PASK: variants seen among roughly 807,000 people sequenced by gnomAD.
PASK encodes PAS domain containing serine/threonine kinase, also known as PAS domain-containing serine/threonine-protein kinase.
A neutral mutation model predicts 121.0 loss-of-function variants in PASK; 110 were observed. That is an observed-to-expected ratio of 0.91 (90% CI 0.78 to 1.06). The LOEUF is 1.06. Among genes scored for constraint, PASK ranks in the 50% least tolerant of loss-of-function variants. PASK has a pLI of 0.00. For missense variants in PASK, 1,643 were observed against 1,702.3 expected (o/e 0.97, Z 0.61); for synonymous variants, 686 against 717.8 (o/e 0.96, Z 0.71).
rs146088324 is a variant in PASK at position 241,132,910 on chromosome 2, T to C, written c.1427A>G (p.Gln476Arg). Residue 476 changes from glutamine to arginine, a missense_variant, in exon 9 of 18, where the codon CAG becomes CGG. Transcript: ENST00000234040. ...GTQTELIAGGQLLSCLSPQPA... is the reference protein window; with the variant it reads ...GTQTELIAGGRLLSCLSPQPA... ...CTGAGGTGAGAGGCAGGAAAGGAGC[T>C]GGCCTCCAGCAATCAGCTCAGTCTG... 3.3e-5 allele frequency: 54 copies of C among 1,614,162 alleles called. No homozygotes were observed. In the African/African-American group the frequency reaches 6.0e-4, roughly 18 times the overall value.
At chr2:241,122,930 C>T in intron 11 of PASK, 31 bp from the exon 12 acceptor site, 1 of 1,609,570 alleles carries the variant, frequency 6.2e-7, no homozygotes, top group Non-Finnish European at 8.5e-7. Flanking sequence ...TGTGGGGTCA[C>T]ATGCAACTGC....
rs746664049 is a variant in PASK, at chr2:241,126,411, T to C, written c.2504A>G (p.His835Arg). Residue 835 changes from histidine (H) to arginine (R), a missense_variant, in exon 10 of 18, where the codon CAT (histidine) becomes CGT (arginine). This residue lies in a region of PASK where 1,176 missense variants were observed against 1,162.2 expected (regional missense o/e 1.01). Transcript: ENST00000234040. ...GCTTTCTCTGTCGCTTGCTGCATAA[T>C]GCTCAGAGGACACCAAACAAACCTC... is the stretch of plus-strand genomic sequence containing the variant. ...PLEVCLVSSE[H>R]YAASDRESPG... 7 of 1,614,238 alleles carry C rather than the reference T, an allele frequency of 4.3e-6. No homozygotes were observed. The highest frequency in any genetic ancestry group is 5.9e-6 in the Non-Finnish European group (7 of 1,180,032).
intron 15 of PASK, among the ~76,000 whole-genome samples, chr2:241,111,591 C>T (rs543752056): frequency 6.6e-6 from 1 of 152,290 alleles, no homozygotes; most frequent in African/African-American, 2.4e-5. Context: ...TCTTCCTTTC[C>T]GTTTTGCTTT....
rs1406620442 is a variant in PASK, at chr2:241,138,143, TTAAC to T, written c.742-60_742-57del. 4 of 1,590,500 alleles carry T rather than the reference TTAAC, an allele frequency of 2.5e-6. No individual in the cohort carries two copies. The East Asian group carries it at 9.0e-5, about 36-fold the overall frequency. ...AGCTTCTTGTGCTCCAGCTGTAAAT[TTAAC>T]TAAGCTTCAATATGTTCAAGCCAAA... On this transcript the variant is annotated intron_variant, in intron 5 of 17. Transcript: ENST00000234040.
At chr2:241,142,704 C>T (rs1486555460) in intron 2 of PASK, 133 bp downstream of exon 2, 3 of 734,870 alleles carry the variant, frequency 4.1e-6, no homozygotes, top group Admixed American at 2.0e-5. Context: ...GAGCCGAGCA[C>T]TTAAACCACG....
In PASK at chr2:241,108,585, G is replaced by A. The variant is rs116533081; in HGVS notation, c.3534-285C>T. ...ACCACAAGACGTGTCTACCAGAGGG[G>A]GGAGCGGGGGGAGGGCTTCCTGGAG... On this transcript the variant is annotated intron_variant, in intron 15 of 17. Coordinates refer to ENST00000234040, the MANE Select transcript of PASK (RefSeq NM_015148.4). The surrounding 1 kb of genome is among the most constrained non-coding windows in gnomAD (Gnocchi z 5.2). The A allele has an allele frequency of 2.4e-3, 1,172 of 488,334 alleles. 1 individual carries two copies. The highest frequency in any genetic ancestry group is 3.8e-3 in the Non-Finnish European group (1,003 of 265,402). The allele number at this position is 488,334 out of a possible 1,614,324, so 30.3% of individuals were successfully genotyped here. A position where few individuals can be genotyped will look rare whatever the true frequency, so the allele number is the denominator to read the frequency against.
intron 12 of PASK, among the ~76,000 whole-genome samples, chr2:241,117,213 T>C (rs890861850): frequency 1.3e-5 from 2 of 152,052 alleles, no homozygotes; most frequent in Non-Finnish European, 2.9e-5. Flanking sequence ...GCAACTTGGG[T>C]GCCAGCCTGT....
At chr2:241,107,216 T>C (rs1045988432) in intron 17 of PASK, 137 bp downstream of exon 17, 9 of 821,254 alleles carry the variant, frequency 1.1e-5, no homozygotes, top group East Asian at 7.3e-5. Context: ...AGGTCAGCTA[T>C]AGGCCCTGAC....
intron 9 of PASK, among the ~76,000 whole-genome samples, chr2:241,131,262 C>T (rs2125437249): frequency 6.6e-6 from 1 of 152,060 alleles, no homozygotes; most frequent in Admixed American, 6.5e-5. Context: ...CATTCTCCTG[C>T]CTCAGCCTCC....
At chr2:241,119,468 C>CTTTTTTT (rs36113805) in intron 12 of PASK, among the ~76,000 whole-genome samples, 1 of 134,256 alleles carries the variant, frequency 7.4e-6, no homozygotes, top group African/African-American at 2.9e-5. Flanking sequence ...CAAGATGCTT[C>CTTTTTTT]TTTTTTTTTT....
At position 241,108,359 on chromosome 2, in the gene PASK, GCCCATGGGAAGCA is replaced by G; in HGVS notation, c.3534-72_3534-60del. On this transcript the variant is annotated intron_variant, in intron 15 of 17. Coordinates refer to ENST00000234040, the MANE Select transcript of PASK (RefSeq NM_015148.4). This position sits in a 1 kb window ranked among gnomAD's most constrained non-coding sequence, Gnocchi z 5.2. ...CACTCAGCGCAGGCTTGCCAAGCCC[GCCCATGGGAAGCA>G]CCATGGCCCTTCCCGACCAGCACAC... 1 of 1,586,448 alleles carries G rather than the reference GCCCATGGGAAGCA, an allele frequency of 6.3e-7. No homozygotes were observed.
chr2:241,127,323 C>G lies in PASK; in HGVS notation c.1592G>C (p.Gly531Ala). The stretch of plus-strand genomic sequence containing the variant: ...ATCCACTGGTTCAGACCTGCTTTCT[C>G]CCAGAAGATCCTGTCCGGGGCTCTC... ...AIESPGQDLL[G>A]ESRSEPVDVK... Residue 531 changes from glycine to alanine, a missense_variant, in exon 10 of 18, where the codon GGA (glycine) becomes GCA (alanine). Physicochemically the swap from Gly to Ala is moderately conservative, Grantham distance 60. Around this residue, in one of 3 missense-constraint regions of PASK, gnomAD observed 1,176 missense variants for 1,162.2 expected, o/e 1.01. Transcript: ENST00000234040. 6.2e-7 allele frequency: 1 copy of G among 1,614,232 alleles called. No individual in the cohort carries two copies. Among genetic ancestry groups the G allele is most frequent in the South Asian group, 1.1e-5 (1 of 91,090 alleles).
intron 12 of PASK, chr2:241,118,833 C>A (rs1192729231): frequency 2.9e-6 from 2 of 683,392 alleles, no homozygotes; most frequent in Non-Finnish European, 1.9e-6. Flanking sequence ...GTGTGGTGTA[C>A]ACACCCCGCA....
At chr2:241,114,664 T>G in intron 14 of PASK, 1 of 1,173,300 alleles carries the variant, frequency 8.5e-7, no homozygotes, top group Non-Finnish European at 1.1e-6. Context: ...CACCATTTAG[T>G]GGGCACTTAC....
intron 10 of PASK, among the ~76,000 whole-genome samples, chr2:241,125,783 G>A (rs1482756145): frequency 1.3e-5 from 2 of 152,114 alleles, no homozygotes; most frequent in African/African-American, 4.8e-5. Context: ...ATCTCACCAC[G>A]CTCACATCCC....
intron 15 of PASK, among the ~76,000 whole-genome samples, chr2:241,111,333 A>G (rs2310875): frequency 0.23 from 34,202 of 151,934 alleles, 5,847 homozygotes; most frequent in African/African-American, 0.47. Context: ...GCACTGCAGC[A>G]GAGGGCCAGG....
intron 4 of PASK, among the ~76,000 whole-genome samples, chr2:241,139,019 A>C (rs768351669): frequency 6.6e-6 from 1 of 152,252 alleles, no homozygotes; most frequent in Non-Finnish European, 1.5e-5. Context: ...TTTCATTCTC[A>C]GTTCATGGTA....
chr2:241,128,821 C>T (rs769989231), intron 9 of PASK, among the ~76,000 whole-genome samples: 6 of 151,682 alleles, frequency 4.0e-5, no homozygotes, highest in Non-Finnish European at 7.4e-5. Context: ...GCTGTGATCG[C>T]ACCACTGCAC....
chr2:241,147,721 GA>G (rs1481541034), intron 1 of PASK, among the ~76,000 whole-genome samples: 12 of 151,922 alleles, frequency 7.9e-5, no homozygotes, highest in South Asian at 2.1e-4. Flanking sequence ...TGGAAAGGGG[GA>G]AAAAAAGCAA....
Sources: gnomAD v4.1 joint callset for allele counts (sites outside exome capture counted in the v4.1 genomes callset) on GRCh38, gnomAD v4.1.1 for gene constraint, gnomAD v4.1.1 regional missense constraint, Gnocchi (gnomAD v3.1) non-coding constraint, MANE v1.5 for transcripts, NCBI Gene and HGNC (gene_info 2026-07-23, HGNC 2026-07-21) for gene names.